The following CDH13 variants were observed in gnomAD, a reference collection of about 807,000 sequenced individuals.
CDH13 encodes cadherin 13.
A neutral mutation model predicts 63.8 loss-of-function variants in CDH13; 24 were observed. That is an observed-to-expected ratio of 0.38 (90% CI 0.27 to 0.53). The LOEUF (loss-of-function observed/expected upper bound fraction) is 0.53. Among genes scored for constraint, CDH13 ranks in the 20% least tolerant of loss-of-function variants. The probability of loss-of-function intolerance (pLI) is 0.85; values close to 1 mark genes in which losing one functional copy is unlikely to be tolerated. For missense variants in CDH13, 1,049 were observed against 903.1 expected (o/e 1.16, Z -2.07); for synonymous variants, 503 against 355.3 (o/e 1.42, Z -4.67).
intron 1 of CDH13, 92 bp downstream of exon 1, chr16:82,627,229 CG>C: frequency 9.1e-7 from 1 of 1,094,576 alleles, no homozygotes; most frequent in Non-Finnish European, 1.4e-6. Flanking sequence ...TTCGGGGGGT[CG>C]GGGCCTCCGG....
intron 6 of CDH13, among the ~76,000 whole-genome samples, chr16:83,483,263 G>A (rs949434087): frequency 2.6e-5 from 4 of 152,130 alleles, no homozygotes; most frequent in African/African-American, 9.7e-5. Context: ...TGATGCATTC[G>A]TGTCTGGGTG....
intron 1 of CDH13, among the ~76,000 whole-genome samples, chr16:82,647,581 TC>T (rs1314058142): frequency 6.6e-6 from 1 of 152,040 alleles, no homozygotes; most frequent in African/African-American, 2.4e-5. Context: ...TTCCAAGCCA[TC>T]CCACCTGAGG....
intron 6 of CDH13, among the ~76,000 whole-genome samples, chr16:83,451,465 A>G (rs1234311005): frequency 1.3e-5 from 2 of 152,164 alleles, no homozygotes; most frequent in African/African-American, 2.4e-5. Context: ...GGGAGCTACA[A>G]TTCAAGATTT....
At chr16:83,389,899 C>G (rs986871959) in intron 6 of CDH13, among the ~76,000 whole-genome samples, 4 of 152,218 alleles carry the variant, frequency 2.6e-5, no homozygotes, top group Admixed American at 6.5e-5. Context: ...CAGACAGGGT[C>G]TGATAACATC....
intron 4 of CDH13, among the ~76,000 whole-genome samples, chr16:83,194,164 A>G (rs890192069): frequency 1.3e-5 from 2 of 152,238 alleles, no homozygotes; most frequent in African/African-American, 2.4e-5. Flanking sequence ...TGTGACCTAC[A>G]GATAGCCTTG....
In CDH13 at chr16:83,323,172, TTTTTTCTTTCTTTCTTTC is replaced by T. The variant is rs1225162670; in HGVS notation, c.637-21686_637-21669del. On this transcript the variant is annotated intron_variant, in intron 5 of 13. Transcript: ENST00000567109. ...CTACTTCTTTCTTTCTTTCTCTTTCTTTTTTCTTTCTTTCTTTCTTTCTTTCTTTCTTTCTTTCTTTCT... is the reference window on the plus strand; with the variant it reads ...CTACTTCTTTCTTTCTTTCTCTTTCTTTTCTTTCTTTCTTTCTTTCTTTCT... Among the ~76,000 whole-genome samples the T allele has an allele frequency of 9.0e-3, 566 of 62,922 alleles. 6 individuals carry two copies. Among genetic ancestry groups the T allele is most frequent in the South Asian group, 0.039 (60 of 1,528 alleles). The allele number at this position is 62,922 out of a possible 152,430, so 41.3% of individuals were successfully genotyped here.
chr16:83,130,024 C>A (rs1015169660), intron 4 of CDH13, among the ~76,000 whole-genome samples: 1 of 152,152 alleles, frequency 6.6e-6, no homozygotes, highest in Non-Finnish European at 1.5e-5. Context: ...TGAAATTCAA[C>A]CTAATTCATA....
intron 5 of CDH13, among the ~76,000 whole-genome samples, chr16:83,316,722 A>G (rs1410859687): frequency 2.6e-5 from 4 of 152,232 alleles, no homozygotes; most frequent in South Asian, 4.1e-4. Context: ...TCTGCATGGC[A>G]TTCTGTAATG....
intron 4 of CDH13, among the ~76,000 whole-genome samples, chr16:83,206,030 C>G (rs1228866442): frequency 6.6e-6 from 1 of 152,202 alleles, no homozygotes; most frequent in South Asian, 2.1e-4. Flanking sequence ...CAGCCTTGTG[C>G]TGGTTACATA....
At chr16:83,518,890 T>A (rs1194265216) in intron 7 of CDH13, among the ~76,000 whole-genome samples, 3 of 152,218 alleles carry the variant, frequency 2.0e-5, no homozygotes, top group Non-Finnish European at 1.5e-5. Context: ...CTGAAGCCTC[T>A]GCATTCATGC....
chr16:82,979,274 A>T (rs1226258260), intron 2 of CDH13, among the ~76,000 whole-genome samples: 2 of 152,166 alleles, frequency 1.3e-5, no homozygotes, highest in African/African-American at 4.8e-5. Flanking sequence ...TTTTCAGTTA[A>T]TGCTGGACTG....
intron 2 of CDH13, among the ~76,000 whole-genome samples, chr16:82,908,186 G>T (rs372868037): frequency 6.6e-6 from 1 of 152,118 alleles, no homozygotes; most frequent in Non-Finnish European, 1.5e-5. Context: ...AAAGGAAAAC[G>T]TCTGGAACCT....
intron 7 of CDH13, among the ~76,000 whole-genome samples, chr16:83,503,390 A>C (rs546550275): frequency 1.3e-5 from 2 of 152,336 alleles, no homozygotes; most frequent in African/African-American, 4.8e-5. Flanking sequence ...GGGTGGGATA[A>C]CAACACGCCA....
chr16:83,081,258 G>A (rs989595482), intron 3 of CDH13, among the ~76,000 whole-genome samples: 4 of 152,134 alleles, frequency 2.6e-5, no homozygotes, highest in African/African-American at 9.7e-5. Flanking sequence ...AGCACCTGCT[G>A]TGTATCAACC....
chr16:83,758,778 A>G (rs1913719012), intron 11 of CDH13, among the ~76,000 whole-genome samples: 1 of 152,244 alleles, frequency 6.6e-6, no homozygotes, highest in South Asian at 2.1e-4. Context: ...ACTGTTTGCA[A>G]TATCATCAGA....
intron 2 of CDH13, among the ~76,000 whole-genome samples, chr16:82,885,593 A>C (rs989448337): frequency 6.6e-6 from 1 of 151,872 alleles, no homozygotes; most frequent in African/African-American, 2.4e-5. Flanking sequence ...CCTTCTATCC[A>C]TCTGTCCTTC....
At chr16:83,613,799 C>G (rs1194447312) in intron 8 of CDH13, among the ~76,000 whole-genome samples, 1 of 152,118 alleles carries the variant, frequency 6.6e-6, no homozygotes, top group East Asian at 1.9e-4. Context: ...TGCCACCGCA[C>G]TCCAGCCTCC....
chr16:82,989,585 C>T (rs1019942307), intron 2 of CDH13, among the ~76,000 whole-genome samples: 1 of 152,212 alleles, frequency 6.6e-6, no homozygotes, highest in South Asian at 2.1e-4. Flanking sequence ...AGGCCCAGAG[C>T]CTAGATGAGG....
intron 2 of CDH13, among the ~76,000 whole-genome samples, chr16:82,920,976 C>A (rs1168936889): frequency 6.6e-6 from 1 of 152,072 alleles, no homozygotes; most frequent in East Asian, 1.9e-4. Flanking sequence ...TTTTTTTCTG[C>A]ATCTTTTGAG....
Sources: allele counts gnomAD v4.1 joint callset (sites outside exome capture counted in the v4.1 genomes callset), GRCh38; gene constraint gnomAD v4.1.1; transcripts MANE v1.5; gene names NCBI Gene and HGNC (gene_info 2026-07-23, HGNC 2026-07-21).